Variants in LGSN observed in about 807,000 individuals in gnomAD.
LGSN encodes the protein lengsin, lens protein with glutamine synthetase domain, also known as lengsin.
In LGSN, 21 loss-of-function variants were observed where a neutral mutation model predicts 19.5. That is an observed-to-expected ratio of 1.07 (90% CI 0.76 to 1.55). The LOEUF is 1.55. Among genes scored for constraint, LGSN ranks in the 40% most tolerant of loss-of-function variants. The pLI is 0.00. For missense variants in LGSN, 673 were observed against 608.5 expected (o/e 1.11, Z -1.12); for synonymous variants, 257 against 215.6 (o/e 1.19, Z -1.68).
the LGSN span, among the ~76,000 whole-genome samples, chr6:63,422,875 C>T: frequency 6.6e-6 from 1 of 151,994 alleles, no homozygotes; most frequent in African/African-American, 2.4e-5. Flanking sequence ...ATCAATAGTT[C>T]TATTAAATGT....
the LGSN span, among the ~76,000 whole-genome samples, chr6:63,461,466 C>A: frequency 1.3e-5 from 2 of 152,320 alleles, no homozygotes; most frequent in Non-Finnish European, 2.9e-5. Flanking sequence ...CAAATACTGG[C>A]TGACTGTCTT....
the LGSN span, among the ~76,000 whole-genome samples, chr6:63,370,869 G>C: frequency 6.6e-6 from 1 of 152,146 alleles, no homozygotes. Flanking sequence ...TTAGAAATAG[G>C]AAAAAGCATT....
At chr6:63,384,403 C>T in the LGSN span, among the ~76,000 whole-genome samples, 2 of 151,926 alleles carry the variant, frequency 1.3e-5, no homozygotes, top group Non-Finnish European at 1.5e-5. Flanking sequence ...TTTCCACTAC[C>T]GTTATGAGCA....
the LGSN span, among the ~76,000 whole-genome samples, chr6:63,516,605 G>T: frequency 1.3e-5 from 2 of 152,096 alleles, no homozygotes; most frequent in Non-Finnish European, 2.9e-5. Flanking sequence ...GCATACTGCT[G>T]GCTGTCTCTT....
the LGSN span, among the ~76,000 whole-genome samples, chr6:63,376,149 G>A: frequency 6.6e-5 from 10 of 152,100 alleles, no homozygotes; most frequent in Admixed American, 1.3e-4. Flanking sequence ...ATGTTCCCCC[G>A]ATGCTTGCTA....
At chr6:63,564,371 C>T in the LGSN span, among the ~76,000 whole-genome samples, 1 of 151,926 alleles carries the variant, frequency 6.6e-6, no homozygotes, top group South Asian at 2.1e-4. Context: ...TATAGAAATA[C>T]ACGAAGATAG....
At chr6:63,349,090 A>G in the LGSN span, among the ~76,000 whole-genome samples, 48 of 152,222 alleles carry the variant, frequency 3.2e-4, no homozygotes, top group Non-Finnish European at 7.3e-5. Flanking sequence ...TGAATACTCA[A>G]TTTAATGATG....
the LGSN span, among the ~76,000 whole-genome samples, chr6:63,348,561 C>T: frequency 5.3e-5 from 8 of 152,038 alleles, no homozygotes; most frequent in East Asian, 7.8e-4. Context: ...TTTTAGTTAA[C>T]GGCTCAACAA....
At chr6:63,415,401 T>C in the LGSN span, among the ~76,000 whole-genome samples, 1 of 152,168 alleles carries the variant, frequency 6.6e-6, no homozygotes, top group Admixed American at 6.6e-5. Flanking sequence ...CAGTTCAGCA[T>C]GGCTGGAGAG....
chr6:63,305,349 T>A (rs1346793613), intron 1 of LGSN, among the ~76,000 whole-genome samples: 1 of 152,082 alleles, frequency 6.6e-6, no homozygotes, highest in Non-Finnish European at 1.5e-5. Flanking sequence ...GGTGTGAGAG[T>A]GACGTCAATG....
the LGSN span, among the ~76,000 whole-genome samples, chr6:63,432,564 C>T: frequency 4.7e-4 from 72 of 151,640 alleles, no homozygotes; most frequent in Non-Finnish European, 7.7e-4. Context: ...TGGTGGTGGG[C>T]GCCTGTAGTC....
the LGSN span, among the ~76,000 whole-genome samples, chr6:63,390,008 T>C: frequency 6.6e-6 from 1 of 151,188 alleles, no homozygotes; most frequent in East Asian, 1.9e-4. Context: ...CTTTTGTGAA[T>C]GCTAAGTAGG....
chr6:63,479,657 A>G, the LGSN span, among the ~76,000 whole-genome samples: 3 of 152,114 alleles, frequency 2.0e-5, no homozygotes, highest in African/African-American at 7.2e-5. Flanking sequence ...GGAGAATGGC[A>G]TGAACCCGGG....
the LGSN span, among the ~76,000 whole-genome samples, chr6:63,373,128 T>C: frequency 6.6e-6 from 1 of 152,188 alleles, no homozygotes; most frequent in Non-Finnish European, 1.5e-5. Flanking sequence ...TCCCTTTGAC[T>C]CCCAATGCAA....
chr6:63,527,678 C>G, the LGSN span: 1 of 152,148 alleles, frequency 6.6e-6, no homozygotes, highest in African/African-American at 2.4e-5. Flanking sequence ...TGTCCAAGGT[C>G]ACGTAATGAG....
chr6:63,338,731 G>T, the LGSN span, among the ~76,000 whole-genome samples: 3 of 151,708 alleles, frequency 2.0e-5, no homozygotes, highest in Admixed American at 2.0e-4. Context: ...CTAATTTTGG[G>T]TTTGGTTTGT....
chr6:63,325,533 G>T, the LGSN span, among the ~76,000 whole-genome samples: 1 of 152,174 alleles, frequency 6.6e-6, no homozygotes, highest in African/African-American at 2.4e-5. Flanking sequence ...TACCAAGATT[G>T]AATAAGGAAT....
chr6:63,322,910 G>T (rs1163906282), upstream of LGSN, among the ~76,000 whole-genome samples: 2 of 152,138 alleles, frequency 1.3e-5, no homozygotes, highest in Non-Finnish European at 2.9e-5. Context: ...TTCAGAAAGG[G>T]AATTTCTCCT....
At chr6:63,572,836 T>A in the LGSN span, 1 of 395,076 alleles carries the variant, frequency 2.5e-6, no homozygotes, top group South Asian at 1.3e-4. Context: ...GGGTTGCGGT[T>A]CCGGTGGGTC....
Sources: allele counts gnomAD v4.1 joint callset (sites outside exome capture counted in the v4.1 genomes callset), GRCh38; gene constraint gnomAD v4.1.1; transcripts MANE v1.5; gene names NCBI Gene and HGNC (gene_info 2026-07-23, HGNC 2026-07-21).